Variants in STPG2 observed in about 807,000 individuals in gnomAD.
The protein encoded by STPG2 is sperm-tail PG-rich repeat-containing protein 2.
In STPG2, 56 loss-of-function variants were observed where a neutral mutation model predicts 54.2. The observed-to-expected ratio is 1.03, with a 90% CI of 0.83 to 1.29. STPG2 has a LOEUF of 1.29. STPG2 is among the 50% of genes most tolerant of loss of function. STPG2 has a pLI of 0.00. For missense variants in STPG2, 596 were observed against 544.9 expected (o/e 1.09, Z -0.93); for synonymous variants, 200 against 181.8 (o/e 1.10, Z -0.81).
chr4:97,832,880 T>G (rs1372948382), intron 9 of STPG2, among the ~76,000 whole-genome samples: 1 of 151,948 alleles, frequency 6.6e-6, no homozygotes, highest in African/African-American at 2.4e-5. Context: ...TAAATGGAAA[T>G]ACATTCCATG....
intron 10 of STPG2, among the ~76,000 whole-genome samples, chr4:97,677,068 T>C (rs979772137): frequency 1.3e-5 from 2 of 152,158 alleles, no homozygotes; most frequent in Non-Finnish European, 2.9e-5. Context: ...AAATTAAAAG[T>C]ATGAGGTAAA....
At chr4:97,605,579 T>C (rs1449843251) in intron 10 of STPG2, among the ~76,000 whole-genome samples, 1 of 151,722 alleles carries the variant, frequency 6.6e-6, no homozygotes, top group South Asian at 2.1e-4. Flanking sequence ...AAATTAATAA[T>C]TGAGAAATGA....
At chr4:97,645,040 A>G (rs1282619562) in intron 10 of STPG2, among the ~76,000 whole-genome samples, 8 of 152,080 alleles carry the variant, frequency 5.3e-5, no homozygotes, top group African/African-American at 1.9e-4. Flanking sequence ...GCTTTTTCTC[A>G]TATTCTAAAC....
chr4:97,934,386 T>A (rs1732668222), intron 8 of STPG2, among the ~76,000 whole-genome samples: 1 of 152,190 alleles, frequency 6.6e-6, no homozygotes. Flanking sequence ...GGCCAGAACT[T>A]CAAATACTAT....
chr4:98,045,909 T>C (rs907240636), intron 5 of STPG2, among the ~76,000 whole-genome samples: 2 of 74,706 alleles, frequency 2.7e-5, no homozygotes, highest in Non-Finnish European at 6.0e-5. Context: ...GGTTTGGAAA[T>C]TTTTCAGCCA....
chr4:97,602,316 TGTCA>T (rs1327814707), intron 10 of STPG2, among the ~76,000 whole-genome samples: 10 of 151,954 alleles, frequency 6.6e-5, no homozygotes, highest in Admixed American at 5.9e-4. Context: ...CTGATGACCT[TGTCA>T]GTCAAAGGAC....
At chr4:97,873,264 T>C (rs1730055465) in intron 8 of STPG2, among the ~76,000 whole-genome samples, 1 of 150,990 alleles carries the variant, frequency 6.6e-6, no homozygotes, top group South Asian at 2.1e-4. Context: ...AACTCCTTTC[T>C]CTAATAATAA....
At chr4:97,834,296 G>T (rs1252840393) in intron 9 of STPG2, among the ~76,000 whole-genome samples, 1 of 152,098 alleles carries the variant, frequency 6.6e-6, no homozygotes, top group Non-Finnish European at 1.5e-5. Flanking sequence ...CTCATAAGTA[G>T]GAGGTGAACA....
At chr4:97,822,437 T>C (rs571783844) in intron 9 of STPG2, among the ~76,000 whole-genome samples, 1 of 152,352 alleles carries the variant, frequency 6.6e-6, no homozygotes, top group African/African-American at 2.4e-5. Context: ...TCTCCCAGCA[T>C]CTGTCTGTTA....
chr4:97,822,839 C>A (rs148390747), intron 9 of STPG2, among the ~76,000 whole-genome samples: 293 of 152,324 alleles, frequency 1.9e-3, no homozygotes, highest in African/African-American at 6.9e-3. Context: ...TCCCACCAGG[C>A]ACCATCTCCA....
At chr4:98,007,512 A>G (rs1476956367) in intron 5 of STPG2, among the ~76,000 whole-genome samples, 1 of 152,198 alleles carries the variant, frequency 6.6e-6, no homozygotes, top group Non-Finnish European at 1.5e-5. Flanking sequence ...GCTTCTCTAG[A>G]GGAGAAGTAT....
chr4:97,763,539 A>G (rs950640851), intron 9 of STPG2, among the ~76,000 whole-genome samples: 14 of 152,180 alleles, frequency 9.2e-5, no homozygotes, highest in Admixed American at 2.0e-4. Flanking sequence ...TAGAGAACCT[A>G]CAAGTAGGGA....
chr4:97,897,732 T>C (rs1456381459), intron 8 of STPG2, among the ~76,000 whole-genome samples: 1 of 152,148 alleles, frequency 6.6e-6, no homozygotes, highest in Non-Finnish European at 1.5e-5. Flanking sequence ...TTCACATCCT[T>C]TGTCTATTTT....
At chr4:97,774,070 T>C (rs1475557332) in intron 9 of STPG2, among the ~76,000 whole-genome samples, 2 of 152,018 alleles carry the variant, frequency 1.3e-5, no homozygotes, top group East Asian at 3.9e-4. Flanking sequence ...TCAGTAATTA[T>C]ATTCCTCCCA....
intron 4 of STPG2, among the ~76,000 whole-genome samples, chr4:97,476,415 T>C (rs1296740068): frequency 1.3e-5 from 2 of 152,192 alleles, no homozygotes; most frequent in Admixed American, 6.5e-5. Flanking sequence ...CTCCTACTAA[T>C]GCTAATAGTT....
intron 10 of STPG2, among the ~76,000 whole-genome samples, chr4:97,693,917 T>C (rs182892408): frequency 1.3e-3 from 199 of 152,254 alleles, no homozygotes; most frequent in Admixed American, 3.3e-3. Context: ...TGAATGATCA[T>C]TGAGTCAACA....
intron 4 of STPG2, among the ~76,000 whole-genome samples, chr4:97,508,173 C>A (rs1401786582): frequency 6.6e-6 from 1 of 151,858 alleles, no homozygotes; most frequent in Non-Finnish European, 1.5e-5. Flanking sequence ...GCCATAGTAA[C>A]CAATACAGCA....
chr4:97,830,611 T>C (rs890764442), intron 9 of STPG2, among the ~76,000 whole-genome samples: 3 of 152,110 alleles, frequency 2.0e-5, no homozygotes, highest in African/African-American at 7.2e-5. Flanking sequence ...CCCATTGGTG[T>C]GTTGTATTCA....
intron 8 of STPG2, among the ~76,000 whole-genome samples, chr4:97,854,480 A>G (rs1729267939): frequency 2.7e-5 from 4 of 148,274 alleles, no homozygotes; most frequent in Non-Finnish European, 4.5e-5. Context: ...TATCATATAT[A>G]ATATATATAA....
Sources: allele counts gnomAD v4.1 joint callset (sites outside exome capture counted in the v4.1 genomes callset), GRCh38; gene constraint gnomAD v4.1.1; transcripts MANE v1.5; gene names NCBI Gene and HGNC (gene_info 2026-07-23, HGNC 2026-07-21).